CYP4Z1: variants seen among roughly 807,000 people sequenced by gnomAD.
The protein encoded by CYP4Z1 is cytochrome P450 4Z1.
In CYP4Z1, 41 loss-of-function variants were observed where a neutral mutation model predicts 54.2. That is an observed-to-expected ratio of 0.76 (90% CI 0.59 to 0.98). The LOEUF (loss-of-function observed/expected upper bound fraction) is 0.98. CYP4Z1 is among the 50% of genes least tolerant of loss of function. The pLI is 0.00. For synonymous variants in CYP4Z1, 163 were observed against 206.2 expected (o/e 0.79, Z 1.79); for missense variants, 513 against 599.0 (o/e 0.86, Z 1.50).
Position 47,093,580 on chromosome 1 carries a change from G to A in CYP4Z1, c.773-986G>A, listed in dbSNP as rs371654874. Among the ~76,000 whole-genome samples, 778 of 150,032 alleles carry A rather than the reference G, an allele frequency of 5.2e-3. 8 individuals are homozygous for A. The highest frequency in any genetic ancestry group is 0.042 in the East Asian group (211 of 5,052). ...GCATTTACCTTAGAAAAATGGTTCC[G>A]GTTAACTTCCAAACTTAGAATCCCC... On this transcript the variant is annotated intron_variant, in intron 6 of 11. Transcript: ENST00000334194.
At chr1:47,086,838 A>C (rs1025531780) in intron 6 of CYP4Z1, among the ~76,000 whole-genome samples, 4 of 152,190 alleles carry the variant, frequency 2.6e-5, no homozygotes, top group Non-Finnish European at 5.9e-5. Flanking sequence ...TCTAACATTT[A>C]AATCTTTAAT....
intron 6 of CYP4Z1, among the ~76,000 whole-genome samples, chr1:47,093,829 C>T (rs1175750029): frequency 2.6e-5 from 4 of 152,314 alleles, no homozygotes; most frequent in East Asian, 1.9e-4. Context: ...AAAGCCACAA[C>T]GTACTGCAGA....
rs780725041 is a variant in CYP4Z1 at position 47,067,589 on chromosome 1, C to T, written c.99C>T (p.Tyr33=). 4 of 1,613,508 alleles carry T rather than the reference C, an allele frequency of 2.5e-6. No individual in the cohort carries two copies. The Admixed American group carries it at 6.7e-5, about 27-fold the overall frequency. ...TGCTGTTTCAGGTAATCAGGTTGTA[C>T]CAGAGGAGGAGATGGATGATCAGAG... is the stretch of plus-strand genomic sequence containing the variant. ...SLLLFQVIRL[Y]QRRRWMIRAL... is the part of the protein sequence containing the mutation. Residue 33 remains tyrosine, a synonymous_variant, in exon 1 of 12, where the codon TAC becomes TAT. Transcript: ENST00000334194.
rs766692536 is a variant in CYP4Z1 at position 47,106,157 on chromosome 1, C to T, written c.1097C>T (p.Thr366Met). The change falls in exon 9 of 12, where the codon ACG (threonine) becomes ATG (methionine). Residue 366 changes from threonine to methionine, a missense_variant. Physicochemically the swap from Thr to Met is moderately conservative, Grantham distance 81. Coordinates refer to ENST00000334194, the MANE Select transcript of CYP4Z1 (RefSeq NM_178134.3). The part of the protein sequence containing the change: ...WEHLSQMPYT[T>M]MCIKECLRLY... ...CACCTGAGCCAGATGCCTTACACCACGATGTGCATCAAGGAATGCCTCCGC... is the reference window on the plus strand; with the variant it reads ...CACCTGAGCCAGATGCCTTACACCATGATGTGCATCAAGGAATGCCTCCGC... 9.3e-6 allele frequency: 15 copies of T among 1,613,872 alleles called. 1 individual carries two copies. The highest frequency in any genetic ancestry group is 6.7e-5 in the East Asian group (3 of 44,864).
chr1:47,092,033 T>G (rs993188053), intron 6 of CYP4Z1, among the ~76,000 whole-genome samples: 1 of 151,998 alleles, frequency 6.6e-6, no homozygotes, highest in African/African-American at 2.4e-5. Context: ...GAGTCGGCAT[T>G]TGAGTCTCAG....
chr1:47,064,372 T>C (rs963268264), upstream of CYP4Z1, among the ~76,000 whole-genome samples: 1 of 152,078 alleles, frequency 6.6e-6, no homozygotes, highest in Non-Finnish European at 1.5e-5. Flanking sequence ...GGAGCCACAG[T>C]GCCCAGCCTA....
the CYP4Z1 span, among the ~76,000 whole-genome samples, chr1:47,056,013 G>A: frequency 6.6e-6 from 1 of 151,978 alleles, no homozygotes; most frequent in Non-Finnish European, 1.5e-5. Flanking sequence ...TGTGATGTTA[G>A]GGTGTCAATT....
At chr1:47,094,470 C>G in intron 6 of CYP4Z1, 96 bp from the exon 7 acceptor site, 1 of 822,264 alleles carries the variant, frequency 1.2e-6, no homozygotes, top group Non-Finnish European at 1.9e-6. Flanking sequence ...CAGCCAGGGG[C>G]TACCGATAAA....
intron 6 of CYP4Z1, among the ~76,000 whole-genome samples, chr1:47,091,569 G>C (rs1644638098): frequency 6.7e-6 from 1 of 149,426 alleles, no homozygotes; most frequent in African/African-American, 2.5e-5. Context: ...AGAGCTATTA[G>C]CTCCGTCAAT....
intron 11 of CYP4Z1, among the ~76,000 whole-genome samples, chr1:47,117,557 C>G (rs1012731679): frequency 4.6e-5 from 7 of 151,996 alleles, no homozygotes; most frequent in African/African-American, 1.5e-4. Context: ...TTGAGACCAG[C>G]CTGGCCAACA....
intron 4 of CYP4Z1, among the ~76,000 whole-genome samples, chr1:47,083,570 T>C (rs900542490): frequency 1.4e-4 from 21 of 152,262 alleles, no homozygotes; most frequent in Admixed American, 4.6e-4. Flanking sequence ...CCAAGGTGGG[T>C]GGATGGCTTG....
rs1445868179 is a variant in CYP4Z1 at position 47,115,584 on chromosome 1, A to G, written c.1257A>G (p.Glu419=). The G allele has an allele frequency of 6.2e-7, 1 of 1,613,644 alleles. No homozygotes were observed. The highest frequency in any genetic ancestry group is 1.3e-5 in the African/African-American group (1 of 75,018). ...WALHHNPYFW[E]DPQVFNPLRF... Reference sequence around the variant, plus strand: ...TTCACCACAACCCCTATTTCTGGGAAGACCCTCAGGTATGATTGTCCCAAC... The same window carrying G: ...TTCACCACAACCCCTATTTCTGGGAGGACCCTCAGGTATGATTGTCCCAAC... The change falls in exon 10 of 12, where the codon GAA becomes GAG. Residue 419 remains glutamate, a synonymous_variant. Coordinates refer to ENST00000334194, the MANE Select transcript of CYP4Z1 (RefSeq NM_178134.3).
At chr1:47,097,745 G>GGTTT (rs550248999) in intron 7 of CYP4Z1, among the ~76,000 whole-genome samples, 1,929 of 150,508 alleles carry the variant, frequency 0.013, 19 homozygotes, top group Middle Eastern at 0.031. Flanking sequence ...CTCCAGCTTT[G>GGTTT]GTTTGTTTGT....
chr1:47,071,502 TG>T (rs1644488766), intron 2 of CYP4Z1, among the ~76,000 whole-genome samples: 1 of 37,474 alleles, frequency 2.7e-5, no homozygotes, highest in Non-Finnish European at 5.6e-5. Flanking sequence ...GGTTTTTATT[TG>T]CATTTCTCTA....
At chr1:47,057,963 G>C in the CYP4Z1 span, among the ~76,000 whole-genome samples, 1 of 152,112 alleles carries the variant, frequency 6.6e-6, no homozygotes, top group African/African-American at 2.4e-5. Context: ...TTAGGAGGCA[G>C]TTCAACTACT....
chr1:47,068,968 G>C (rs1221752226), intron 2 of CYP4Z1, among the ~76,000 whole-genome samples: 1 of 152,184 alleles, frequency 6.6e-6, no homozygotes, highest in African/African-American at 2.4e-5. Context: ...CCATTTTCAA[G>C]CAATCTTCTC....
intron 9 of CYP4Z1, among the ~76,000 whole-genome samples, chr1:47,107,429 G>A (rs1228605781): frequency 1.3e-5 from 2 of 151,866 alleles, no homozygotes; most frequent in African/African-American, 4.8e-5. Flanking sequence ...CAATCATCTA[G>A]TATCTAAAGA....
chr1:47,078,167 T>C (rs1166210669), intron 2 of CYP4Z1, among the ~76,000 whole-genome samples: 2 of 152,134 alleles, frequency 1.3e-5, no homozygotes, highest in Admixed American at 6.5e-5. Context: ...CAATTATGCA[T>C]ATGTTAGTAT....
chr1:47,086,705 C>A (rs1644598004), intron 6 of CYP4Z1, among the ~76,000 whole-genome samples: 1 of 152,100 alleles, frequency 6.6e-6, no homozygotes, highest in African/African-American at 2.4e-5. Flanking sequence ...TAATAAGATC[C>A]CATTTGTCAA....
Sources: allele counts gnomAD v4.1 joint callset (sites outside exome capture counted in the v4.1 genomes callset), GRCh38; gene constraint gnomAD v4.1.1; transcripts MANE v1.5; gene names NCBI Gene and HGNC (gene_info 2026-07-23, HGNC 2026-07-21).